PPIL2: variants seen among roughly 807,000 people sequenced by gnomAD.
The protein encoded by PPIL2 is RING-type E3 ubiquitin-protein ligase PPIL2.
PPIL2 carries 50 observed loss-of-function variants against 75.2 expected under a neutral mutation model. That is an observed-to-expected ratio of 0.66 (90% CI 0.53 to 0.84). The LOEUF (loss-of-function observed/expected upper bound fraction) is 0.84, where lower values mean the gene tolerates loss of function less well. PPIL2 is among the 40% of genes least tolerant of loss of function. The pLI is 0.00. For synonymous variants in PPIL2, 245 were observed against 258.8 expected (o/e 0.95, Z 0.51); for missense variants, 590 against 685.0 (o/e 0.86, Z 1.55).
intron 19 of PPIL2, 63 bp downstream of exon 19, chr22:21,695,133 G>A: frequency 6.7e-7 from 1 of 1,500,778 alleles, no homozygotes. Flanking sequence ...ACTGAGGTCT[G>A]AGGGTCAGAC....
intron 9 of PPIL2, among the ~76,000 whole-genome samples, chr22:21,684,341 A>G (rs1044134435): frequency 5.4e-5 from 8 of 147,762 alleles, no homozygotes; most frequent in African/African-American, 2.0e-4. Context: ...AGTCCCAGCT[A>G]CTCAGGAGGC....
intron 1 of PPIL2, 87 bp downstream of exon 1, chr22:21,666,218 C>T (rs1307713347): frequency 1.2e-5 from 17 of 1,439,052 alleles, no homozygotes; most frequent in Non-Finnish European, 1.6e-5. Flanking sequence ...CCTTCCCTCT[C>T]AGCTACTCCC....
In PPIL2 at chr22:21,668,705, T is replaced by C. The variant is rs1461737894; in HGVS notation, c.33-1208T>C. 2.4e-5 allele frequency among the ~76,000 whole-genome samples: 3 copies of C among 125,640 alleles called. No homozygotes were observed. In the East Asian group the frequency reaches 6.2e-4, roughly 26 times the overall value. 82.4% of individuals were successfully genotyped at this position (125,640 alleles called of 152,430 possible). On this transcript the variant is annotated intron_variant, in intron 1 of 19. Coordinates refer to ENST00000398831, the MANE Select transcript of PPIL2 (RefSeq NM_014337.4). ...TGACAAAACAGACTCTTTGTGGCAA[T>C]AAGATACCATTTTTTTTTTTTTTTG...
intron 15 of PPIL2, among the ~76,000 whole-genome samples, chr22:21,691,635 G>A (rs140050000): frequency 0.012 from 1,788 of 151,862 alleles, 16 homozygotes; most frequent in Non-Finnish European, 0.02. Context: ...AGCCGAGATC[G>A]CGCCACTGCA....
Position 21,666,085 on chromosome 22 carries a change from C to T in PPIL2, c.-15C>T. The T allele has an allele frequency of 1.9e-6, 3 of 1,612,318 alleles. No individual in the cohort carries two copies. The highest frequency in any genetic ancestry group is 2.5e-6 in the Non-Finnish European group (3 of 1,179,230). ...TTGTTTTTTCGTGCTCGCTAGTCGCCGCCGCCGCTCCGCCATGGGGAAGCG... is the reference window on the plus strand; with the variant it reads ...TTGTTTTTTCGTGCTCGCTAGTCGCTGCCGCCGCTCCGCCATGGGGAAGCG... On this transcript the variant is annotated 5_prime_UTR_variant, in exon 1 of 20. Transcript: ENST00000398831.
intron 6 of PPIL2, among the ~76,000 whole-genome samples, chr22:21,676,243 A>AGTGTGTGTGTGTGTGTGT (rs36131221): frequency 3.1e-5 from 4 of 130,510 alleles, no homozygotes; most frequent in Non-Finnish European, 4.9e-5. Flanking sequence ...TGTGATCAGC[A>AGTGTGTGTGTGTGTGTGT]GTGTGTGTGT....
chr22:21,684,729 C>G (rs1348410750), intron 9 of PPIL2, 24 bp from the exon 10 acceptor site: 12 of 1,611,760 alleles, frequency 7.4e-6, no homozygotes, highest in Non-Finnish European at 9.3e-6. Context: ...CTCGGCGGCT[C>G]AGGGCCATGC....
chr22:21,685,477 G>C (rs2067317724), intron 10 of PPIL2, among the ~76,000 whole-genome samples: 1 of 152,114 alleles, frequency 6.6e-6, no homozygotes, highest in Non-Finnish European at 1.5e-5. Flanking sequence ...CTAGGGGGAG[G>C]GCAGAGACAT....
intron 7 of PPIL2, among the ~76,000 whole-genome samples, chr22:21,681,777 G>A (rs2067140688): frequency 6.6e-6 from 1 of 152,252 alleles, no homozygotes; most frequent in South Asian, 2.1e-4. Context: ...GCCCCCAGGA[G>A]GGAGCTGTCC....
chr22:21,676,514 C>T (rs1309442730), intron 6 of PPIL2, among the ~76,000 whole-genome samples: 1 of 151,774 alleles, frequency 6.6e-6, no homozygotes, highest in Non-Finnish European at 1.5e-5. Context: ...CTGCGGCCTT[C>T]TGCAGTGTTT....
At chr22:21,668,640 A>T (rs1175295257) in intron 1 of PPIL2, among the ~76,000 whole-genome samples, 1 of 151,822 alleles carries the variant, frequency 6.6e-6, no homozygotes, top group Non-Finnish European at 1.5e-5. Context: ...AAAAAAAATA[A>T]ATAAAATAAA....
rs374438374 is a variant in PPIL2, at chr22:21,671,076, A to T, written c.191+17A>T. ...TGACTTACTGTGAGTTTTTCCTTGA[A>T]TTTTGATCTAACAAATGTGAGATTC... On this transcript the variant is annotated intron_variant, in intron 4 of 19. Coordinates refer to ENST00000398831, the MANE Select transcript of PPIL2 (RefSeq NM_014337.4). The T allele has an allele frequency of 1.9e-6, 3 of 1,596,322 alleles. No individual in the cohort carries two copies. The highest frequency in any genetic ancestry group is 2.6e-6 in the Non-Finnish European group (3 of 1,163,798).
At chr22:21,694,715 G>T in intron 17 of PPIL2, 40 bp from the exon 18 acceptor site, 1 of 1,612,470 alleles carries the variant, frequency 6.2e-7, no homozygotes, top group Non-Finnish European at 8.5e-7. Context: ...AGGCAGGCAG[G>T]GGGAGGACCT....
chr22:21,671,060 G>GT lies in PPIL2; in HGVS notation c.191+2dup. On this transcript the variant is annotated splice_donor_variant, in intron 4 of 19. Coordinates refer to ENST00000398831, the MANE Select transcript of PPIL2 (RefSeq NM_014337.4). LOFTEE classifies it high-confidence loss of function. The stretch of plus-strand genomic sequence containing the variant: ...CCGATGGCATCGTCTTTGACTTACT[G>GT]TGAGTTTTTCCTTGAATTTTGATCT... 1 of 1,608,610 alleles carries GT rather than the reference G, an allele frequency of 6.2e-7. No homozygotes were observed. Among genetic ancestry groups the GT allele is most frequent in the Non-Finnish European group, 8.5e-7 (1 of 1,174,950 alleles).
chr22:21,683,624 G>A (rs1040150564), intron 9 of PPIL2, among the ~76,000 whole-genome samples: 6 of 152,266 alleles, frequency 3.9e-5, no homozygotes, highest in African/African-American at 1.2e-4. Context: ...GCCTTGTGCT[G>A]CAGAGCAGTG....
downstream of PPIL2, chr22:21,699,031 C>G (rs1047659143): frequency 6.6e-6 from 1 of 152,544 alleles, no homozygotes; most frequent in East Asian, 1.9e-4. Context: ...CCATGCCCAC[C>G]AGGGCAGCGG....
chr22:21,672,867 G>T (rs375585986), intron 5 of PPIL2, among the ~76,000 whole-genome samples: 1 of 152,228 alleles, frequency 6.6e-6, no homozygotes, highest in Non-Finnish European at 1.5e-5. Context: ...TCGGGACTCC[G>T]GTGGGCTCCC....
In PPIL2 at chr22:21,696,826, C is replaced by T. The variant is rs1386759990; in HGVS notation, c.*1336C>T. ...AGCTGCAGGCCTGAGCCCTTTGTCT[C>T]CCTGGATGCTGGGTGGCGCCTCATC... On this transcript the variant is annotated 3_prime_UTR_variant, in exon 20 of 20. Transcript: ENST00000398831. 2 of 1,559,362 alleles carry T rather than the reference C, an allele frequency of 1.3e-6. No individual in the cohort carries two copies. Among genetic ancestry groups the T allele is most frequent in the African/African-American group, 1.4e-5 (1 of 73,468 alleles).
At chr22:21,690,330 G>A (rs1307374786) in intron 15 of PPIL2, among the ~76,000 whole-genome samples, 3 of 151,808 alleles carry the variant, frequency 2.0e-5, no homozygotes, top group African/African-American at 4.8e-5. Flanking sequence ...GCTGCAGTGA[G>A]CTAGGATCGC....
Sources: allele counts gnomAD v4.1 joint callset (sites outside exome capture counted in the v4.1 genomes callset), GRCh38; gene constraint gnomAD v4.1.1; transcripts MANE v1.5; gene names NCBI Gene and HGNC (gene_info 2026-07-23, HGNC 2026-07-21).